TFR2: variants seen among roughly 807,000 people sequenced by gnomAD.
TFR2 encodes the protein transferrin receptor protein 2.
A neutral mutation model predicts 91.9 loss-of-function variants in TFR2; 64 were observed. That is an observed-to-expected ratio of 0.70 (90% CI 0.57 to 0.86). The LOEUF (loss-of-function observed/expected upper bound fraction) is 0.86. Ranked by LOEUF, TFR2 falls within the 40% of genes least tolerant of loss-of-function variation. The pLI is 0.00. For synonymous variants in TFR2, 454 were observed against 459.6 expected, an observed-to-expected ratio of 0.99 and a Z score of 0.15; for missense variants, 950 against 1,080.5, an observed-to-expected ratio of 0.88 and a Z score of 1.69.
chr7:100,629,712 C>A (rs753951207), intron 9 of TFR2, among the ~76,000 whole-genome samples: 5 of 152,112 alleles, frequency 3.3e-5, no homozygotes, highest in Non-Finnish European at 5.9e-5. Flanking sequence ...TGTGTGCCAC[C>A]ATGCTCGGCT....
At position 100,626,813 on chromosome 7, in the gene TFR2, C is replaced by T. The variant is rs774282112; in HGVS notation, c.2086G>A (p.Glu696Lys). The T allele has an allele frequency of 2.1e-5, 33 of 1,549,212 alleles. No homozygotes were observed. Among genetic ancestry groups the T allele is most frequent in the Non-Finnish European group, 2.6e-6 (3 of 1,146,948 alleles). Residue 696 changes from glutamate (E) to lysine (K), a missense_variant, in exon 17 of 18, where the codon GAG (glutamate) becomes AAG (lysine). Coordinates refer to ENST00000223051, the MANE Select transcript of TFR2 (RefSeq NM_003227.4). Reference sequence around the variant, plus strand: ...CGTGTCAGTCGCTCGTCTCTCTCCTCCGAGCTGTAGATCTCCTGCCGCAGC... The same window carrying T: ...CGTGTCAGTCGCTCGTCTCTCTCCTTCGAGCTGTAGATCTCCTGCCGCAGC... ...EKLRQEIYSS[E>K]ERDERLTRMY...
At chr7:100,633,189 G>T in intron 5 of TFR2, 40 bp downstream of exon 5, 2 of 1,613,174 alleles carry the variant, frequency 1.2e-6, no homozygotes, top group Non-Finnish European at 1.7e-6. Context: ...GAAAGGGCTC[G>T]TGCCGCGCCC....
chr7:100,637,834 A>AG (rs1803604068), intron 3 of TFR2, among the ~76,000 whole-genome samples: 1 of 41,872 alleles, frequency 2.4e-5, no homozygotes, highest in Non-Finnish European at 4.3e-5. Context: ...AATGTAATTT[A>AG]ATTTTTTTTT....
chr7:100,625,278 C>G (rs1384905979), intron 17 of TFR2, among the ~76,000 whole-genome samples: 1 of 151,892 alleles, frequency 6.6e-6, no homozygotes, highest in African/African-American at 2.4e-5. Flanking sequence ...AGGCTGGTCT[C>G]GAACTCCTGA....
intron 3 of TFR2, among the ~76,000 whole-genome samples, chr7:100,635,952 G>A (rs925606632): frequency 6.6e-6 from 1 of 152,034 alleles, no homozygotes. Flanking sequence ...TTATGTAGTC[G>A]TGAATGATTG....
intron 3 of TFR2, 73 bp from the exon 4 acceptor site, chr7:100,633,629 C>G (rs41303462): frequency 6.7e-7 from 1 of 1,502,286 alleles, no homozygotes; most frequent in East Asian, 2.4e-5. Context: ...ATGCCAGAGA[C>G]GTGGGGTCGC....
rs773889772 is a variant in TFR2, at chr7:100,641,449, G to A, written c.33+28C>T. ...TGAGGGACTTAGAGAGAAGGCCTAA[G>A]GGGTCTTCCCAATCCCACTAGTCTT... is the stretch of plus-strand genomic sequence containing the variant. On this transcript the variant is annotated intron_variant, in intron 1 of 17. Transcript: ENST00000223051. 6 of 1,613,338 alleles carry A rather than the reference G, an allele frequency of 3.7e-6. No homozygotes were observed. In the Admixed American group the frequency reaches 1.0e-4, roughly 27 times the overall value.
At chr7:100,633,390 C>T (rs767742447) in intron 4 of TFR2, 26 bp downstream of exon 4, 16 of 1,605,138 alleles carry the variant, frequency 1.0e-5, no homozygotes, top group Non-Finnish European at 1.3e-5. Flanking sequence ...CCTCCCCGCG[C>T]GCCCCCCGCC....
At chr7:100,630,694 C>G (rs945374767) in intron 9 of TFR2, among the ~76,000 whole-genome samples, 195 bp downstream of exon 9, 6 of 152,236 alleles carry the variant, frequency 3.9e-5, no homozygotes, top group African/African-American at 1.4e-4. Flanking sequence ...ACTAGACAGG[C>G]TGGAAGGTGA....
chr7:100,641,217 G>T lies in TFR2; in HGVS notation c.45C>A (p.Ser15=). The T allele has an allele frequency of 6.5e-7, 1 of 1,537,330 alleles. No homozygotes were observed. ...GGTAGACGGTCTGAGAGGATCTTGGGGACAGTTGTTGCTGTGCAGGCGAGG... is the reference window on the plus strand; with the variant it reads ...GGTAGACGGTCTGAGAGGATCTTGGTGACAGTTGTTGCTGTGCAGGCGAGG... ...WGLFQRAQQL[S]PRSSQTVYQR... Residue 15 remains serine, a synonymous_variant, in exon 2 of 18, where the codon TCC becomes TCA. Transcript: ENST00000223051.
chr7:100,620,649 G>C lies in TFR2; in HGVS notation c.*208C>G, dbSNP rs759379957. 68 of 621,942 alleles carry C rather than the reference G, an allele frequency of 1.1e-4. No individual in the cohort carries two copies. The highest frequency in any genetic ancestry group is 2.7e-4 in the Admixed American group (9 of 32,762). The allele number at this position is 621,942 out of a possible 1,614,324, so 38.5% of individuals were successfully genotyped here. A position where few individuals can be genotyped will look rare whatever the true frequency, so the allele number is the denominator to read the frequency against. On this transcript the variant is annotated 3_prime_UTR_variant, in exon 18 of 18. Transcript: ENST00000223051. ...TCTCTGATTAACCGACAGTATGACC[G>C]TCACATTAGGGTCAGCTACACTGCA...
At chr7:100,637,401 C>CAAA (rs56900814) in intron 3 of TFR2, among the ~76,000 whole-genome samples, 3 of 147,944 alleles carry the variant, frequency 2.0e-5, no homozygotes, top group East Asian at 2.0e-4. Flanking sequence ...CTCTGTCTCA[C>CAAA]AAAAAAAAAG....
rs1442243324 is a variant in TFR2 at position 100,640,517 on chromosome 7, G to A, written c.473+169C>T. ...GTCCCCTGGAACCTCAGCTCCGAATGCCTGCCATCCTTCCCAGGACCGCTG... is the reference window on the plus strand; with the variant it reads ...GTCCCCTGGAACCTCAGCTCCGAATACCTGCCATCCTTCCCAGGACCGCTG... On this transcript the variant is annotated intron_variant, in intron 3 of 17. Coordinates refer to ENST00000223051, the MANE Select transcript of TFR2 (RefSeq NM_003227.4). 6 of 726,758 alleles carry A rather than the reference G, an allele frequency of 8.3e-6. No homozygotes were observed. The Admixed American group carries it at 1.2e-4, about 14-fold the overall frequency. The allele number at this position is 726,758 out of a possible 1,614,324, so 45.0% of individuals were successfully genotyped here.
At chr7:100,622,051 C>T (rs549989820) in intron 17 of TFR2, among the ~76,000 whole-genome samples, 50 of 152,190 alleles carry the variant, frequency 3.3e-4, no homozygotes, top group African/African-American at 1.1e-3. Context: ...TTTTTAGAGA[C>T]AGGGTCTCAC....
Position 100,630,419 on chromosome 7 carries a change from A to T in TFR2, c.1270+470T>A, listed in dbSNP as rs553564234. The stretch of plus-strand genomic sequence containing the variant: ...ATTCTCCTGTCCGAGCCTCCGGAAT[A>T]GCTGGAATTACAGATGCATGCCACC... On this transcript the variant is annotated intron_variant, in intron 9 of 17. Coordinates refer to ENST00000223051, the MANE Select transcript of TFR2 (RefSeq NM_003227.4). 2.0e-5 allele frequency among the ~76,000 whole-genome samples: 3 copies of T among 152,218 alleles called. No homozygotes were observed. The South Asian group carries it at 6.2e-4, about 32-fold the overall frequency.
chr7:100,637,198 G>A (rs775106583), intron 3 of TFR2, among the ~76,000 whole-genome samples: 47 of 152,168 alleles, frequency 3.1e-4, no homozygotes, highest in Non-Finnish European at 5.0e-4. Flanking sequence ...TCAGGAGTTC[G>A]AGACCAGACT....
In TFR2 at chr7:100,626,789, G is replaced by A. The variant is rs1373106101; in HGVS notation, c.2110C>T (p.Arg704Cys). The A allele has an allele frequency of 3.2e-6, 5 of 1,547,792 alleles. No homozygotes were observed. The highest frequency in any genetic ancestry group is 4.4e-6 in the Non-Finnish European group (5 of 1,146,894). ...CGCATTATGCGCACGTTGTACATGC[G>A]TGTCAGTCGCTCGTCTCTCTCCTCC... ...SSEERDERLT[R>C]MYNVRIMRVE... is the part of the protein sequence containing the mutation. The change falls in exon 17 of 18, where the codon CGC becomes TGC. Residue 704 changes from arginine to cysteine, a missense_variant. By Grantham distance (180) the Arg-to-Cys change is radical. Coordinates refer to ENST00000223051, the MANE Select transcript of TFR2 (RefSeq NM_003227.4).
intron 17 of TFR2, among the ~76,000 whole-genome samples, chr7:100,623,017 G>A (rs1315574420): frequency 6.8e-6 from 1 of 147,422 alleles, no homozygotes; most frequent in East Asian, 2.0e-4. Context: ...GCTGATGCCT[G>A]TAATCCCAGC....
chr7:100,628,923 C>T (rs550028508), intron 10 of TFR2, among the ~76,000 whole-genome samples: 35 of 152,160 alleles, frequency 2.3e-4, no homozygotes, highest in African/African-American at 6.3e-4. Context: ...CCCTCCACCA[C>T]GCCTGGCTAA....
Sources: allele counts gnomAD v4.1 joint callset (sites outside exome capture counted in the v4.1 genomes callset), GRCh38; gene constraint gnomAD v4.1.1; transcripts MANE v1.5; gene names NCBI Gene and HGNC (gene_info 2026-07-23, HGNC 2026-07-21).